PTPN22: variants seen among roughly 807,000 people sequenced by gnomAD.
PTPN22 encodes the protein tyrosine-protein phosphatase non-receptor type 22.
Under a neutral mutation model 103.3 loss-of-function variants are expected in PTPN22, and 85 were observed. The observed-to-expected ratio is 0.82, with a 90% CI of 0.69 to 0.99. The LOEUF (loss-of-function observed/expected upper bound fraction) is 0.99. Among genes scored for constraint, PTPN22 ranks in the 50% least tolerant of loss-of-function variants. The probability of loss-of-function intolerance (pLI) is 0.00; values close to 1 mark genes in which losing one functional copy is unlikely to be tolerated. For synonymous variants in PTPN22, 323 were observed against 310.2 expected (o/e 1.04, Z -0.43); for missense variants, 865 against 936.9 (o/e 0.92, Z 1.00).
intron 10 of PTPN22, among the ~76,000 whole-genome samples, chr1:113,851,114 G>A (rs1664528862): frequency 6.6e-6 from 1 of 151,914 alleles, no homozygotes; most frequent in South Asian, 2.1e-4. Context: ...GTATTCTGGG[G>A]TAGGTTAAAA....
rs1665345540 is a variant in PTPN22, at chr1:113,859,111, A to C, written c.197-33T>G. 3.1e-6 allele frequency: 5 copies of C among 1,609,442 alleles called. No individual in the cohort carries two copies. The East Asian group carries it at 1.1e-4, about 36-fold the overall frequency. On this transcript the variant is annotated intron_variant, in intron 2 of 20. Coordinates refer to ENST00000359785, the Ensembl canonical transcript of PTPN22. Reference sequence around the variant, plus strand: ...ACAAAAGACAGACATAGTACAATTAAGAGGGCTTAGTCAGCAGATTTAAAT... The same window carrying C: ...ACAAAAGACAGACATAGTACAATTACGAGGGCTTAGTCAGCAGATTTAAAT...
rs74163643 is a variant in PTPN22 at position 113,858,605 on chromosome 1, T to G, written c.274-32A>C. The G allele has an allele frequency of 7.7e-4, 1,016 of 1,317,038 alleles. 6 individuals are homozygous for G. The highest frequency in any genetic ancestry group is 7.3e-3 in the Middle Eastern group (29 of 3,952). 81.6% of individuals were successfully genotyped at this position (1,317,038 alleles called of 1,614,324 possible). On this transcript the variant is annotated intron_variant, in intron 3 of 20. Transcript: ENST00000359785. ...GGGAACAGAAATTACACGGGGTGAC[T>G]ACAAATAATACCCTGTTCTCACCTA...
chr1:113,848,837 T>G (rs1435482635), intron 10 of PTPN22, among the ~76,000 whole-genome samples: 2 of 152,204 alleles, frequency 1.3e-5, no homozygotes, highest in African/African-American at 2.4e-5. Context: ...TGAAAATAGC[T>G]AAATATTTGA....
intron 11 of PTPN22, among the ~76,000 whole-genome samples, chr1:113,847,236 CTT>C (rs34578333): frequency 0.021 from 2,167 of 101,426 alleles, 43 homozygotes; most frequent in African/African-American, 0.067. Context: ...TGCTGAGACT[CTT>C]TTTTTTTTTT....
rs547525606 is a variant in PTPN22, at chr1:113,860,754, G to A, written c.88-1294C>T. Among the ~76,000 whole-genome samples, 15 of 152,310 alleles carry A rather than the reference G, an allele frequency of 9.8e-5. No individual in the cohort carries two copies. In the South Asian group the frequency reaches 2.9e-3, roughly 29 times the overall value. ...TCAGGTTGCTGTTGATCCCAGGGCT[G>A]CTGAAAAGATCTCAAGTCCCAGAAC... On this transcript the variant is annotated intron_variant, in intron 1 of 20. Transcript: ENST00000359785.
chr1:113,866,151 G>A (rs1024946322), intron 1 of PTPN22, among the ~76,000 whole-genome samples: 5 of 152,098 alleles, frequency 3.3e-5, no homozygotes, highest in African/African-American at 1.2e-4. Context: ...ATATATGAGT[G>A]TTTAGAACAG....
intron 14 of PTPN22, 30 bp downstream of exon 14, chr1:113,834,880 T>G (rs1662848525): frequency 6.7e-7 from 1 of 1,490,646 alleles, no homozygotes; most frequent in Non-Finnish European, 9.1e-7. Context: ...CATCCCACAC[T>G]TTATTTTATA....
At chr1:113,817,918 G>A (rs896199013) in intron 20 of PTPN22, among the ~76,000 whole-genome samples, 7 of 151,300 alleles carry the variant, frequency 4.6e-5, no homozygotes, top group African/African-American at 1.5e-4. Flanking sequence ...GAACATTTAT[G>A]TTCCAGGTAA....
intron 20 of PTPN22, 113 bp from the exon 21 acceptor site, chr1:113,815,082 G>A (rs937816160): frequency 1.3e-6 from 1 of 743,102 alleles, no homozygotes; most frequent in Non-Finnish European, 2.2e-6. Flanking sequence ...TTTTTTAAAT[G>A]TTAGGCAGCA....
chr1:113,857,707 T>A, intron 5 of PTPN22, 31 bp downstream of exon 5: 1 of 1,595,874 alleles, frequency 6.3e-7, no homozygotes, highest in East Asian at 2.3e-5. Flanking sequence ...TCCTTTGTTT[T>A]AAGGTCAGCA....
In PTPN22 at chr1:113,838,417, A is replaced by G. The variant is rs766582847; in HGVS notation, c.993-10T>C. On this transcript the variant is annotated splice_polypyrimidine_tract_variant and intron_variant, in intron 12 of 20. Coordinates refer to ENST00000359785, the Ensembl canonical transcript of PTPN22. ...TGCTGCTTTTGTGGTACTAAAACAA[A>G]AAGAAAGCGTAATGATGACACCATA... 3 of 1,582,004 alleles carry G rather than the reference A, an allele frequency of 1.9e-6. No homozygotes were observed. In the East Asian group the frequency reaches 6.7e-5, roughly 35 times the overall value.
At chr1:113,853,978 G>A (rs570019988) in intron 9 of PTPN22, among the ~76,000 whole-genome samples, 10 of 139,362 alleles carry the variant, frequency 7.2e-5, no homozygotes, top group Middle Eastern at 4.2e-3. Flanking sequence ...CCATTCTCCC[G>A]CCTCAGCCTC....
chr1:113,852,246 G>T (rs1558045388), intron 9 of PTPN22, 142 bp from the exon 10 acceptor site: 2 of 625,244 alleles, frequency 3.2e-6, no homozygotes, highest in East Asian at 2.9e-5. Flanking sequence ...TAAAACAAAT[G>T]AGGTTTCTTA....
chr1:113,824,532 T>C lies in PTPN22; in HGVS notation c.2281+610A>G, dbSNP rs541921006. Among the ~76,000 whole-genome samples the C allele has an allele frequency of 3.0e-3, 460 of 152,380 alleles. 2 individuals carry two copies. Among genetic ancestry groups the C allele is most frequent in the Admixed American group, 5.1e-3 (78 of 15,306 alleles). On this transcript the variant is annotated intron_variant, in intron 19 of 20. Transcript: ENST00000359785. The stretch of plus-strand genomic sequence containing the variant: ...GTAAGCAACAGACTTTTATTGCTAA[T>C]AATACTTAGTAAAAATGGAAATGTG...
chr1:113,859,992 C>G (rs990486844), intron 1 of PTPN22, among the ~76,000 whole-genome samples: 2 of 118,414 alleles, frequency 1.7e-5, no homozygotes, highest in South Asian at 5.6e-4. Flanking sequence ...GATAAAGTTT[C>G]ACTCTGTCAC....
At position 113,861,061 on chromosome 1, in the gene PTPN22, C is replaced by T. The variant is rs141825545; in HGVS notation, c.88-1601G>A. ...CATTTTTCCTACTCCTTTCCTCCCC[C>T]TCGAGTAATCTAGCTGGATGACAAA... On this transcript the variant is annotated intron_variant, in intron 1 of 20. Transcript: ENST00000359785. Among the ~76,000 whole-genome samples the T allele has an allele frequency of 1.4e-4, 22 of 152,252 alleles. No individual in the cohort carries two copies. In the East Asian group the frequency reaches 3.9e-3, roughly 27 times the overall value.
intron 18 of PTPN22, among the ~76,000 whole-genome samples, chr1:113,825,556 G>A (rs1233801580): frequency 6.6e-6 from 1 of 152,074 alleles, no homozygotes; most frequent in Non-Finnish European, 1.5e-5. Flanking sequence ...AAAAATATTA[G>A]CTGAATGTGG....
chr1:113,826,659 A>ATTTTT lies in PTPN22; in HGVS notation c.2251-1492_2251-1488dup, dbSNP rs10563752. Among the ~76,000 whole-genome samples, 138 of 63,120 alleles carry ATTTTT rather than the reference A, an allele frequency of 2.2e-3. 22 individuals are homozygous for ATTTTT. The highest frequency in any genetic ancestry group is 6.7e-3 in the African/African-American group (98 of 14,660). 41.4% of individuals were successfully genotyped at this position (63,120 alleles called of 152,430 possible). ...CTCTACTTTTATGGTGGAGTCTCTA[A>ATTTTT]TTTTTTTTTTTTTTTTTTTTTTTTT... is the stretch of plus-strand genomic sequence containing the variant. On this transcript the variant is annotated intron_variant, in intron 18 of 20. Transcript: ENST00000359785.
intron 1 of PTPN22, among the ~76,000 whole-genome samples, chr1:113,861,957 A>G (rs1665650514): frequency 6.6e-6 from 1 of 152,088 alleles, no homozygotes; most frequent in Non-Finnish European, 1.5e-5. Flanking sequence ...AGTACCATCA[A>G]GAGAAGTCAG....
Sources: allele counts gnomAD v4.1 joint callset (sites outside exome capture counted in the v4.1 genomes callset), GRCh38; gene constraint gnomAD v4.1.1; transcripts MANE v1.5; gene names NCBI Gene and HGNC (gene_info 2026-07-23, HGNC 2026-07-21).